Variants in GRM5 observed in about 807,000 individuals in gnomAD.
GRM5 encodes the protein glutamate metabotropic receptor 5.
In GRM5, 19 loss-of-function variants were observed where a neutral mutation model predicts 83.1. The observed-to-expected ratio is 0.23, with a 90% CI of 0.16 to 0.34. The LOEUF (loss-of-function observed/expected upper bound fraction) is 0.34. Ranked by LOEUF, GRM5 falls within the 10% of genes least tolerant of loss-of-function variation. The pLI is 1.00. For missense variants in GRM5, 1,160 were observed against 1,588.3 expected (o/e 0.73, Z 4.58); for synonymous variants, 675 against 633.6 (o/e 1.07, Z -0.98).
chr11:88,817,658 C>G (rs929602371), intron 3 of GRM5, among the ~76,000 whole-genome samples: 2 of 151,990 alleles, frequency 1.3e-5, no homozygotes, highest in African/African-American at 4.8e-5. Flanking sequence ...ACTGAATGCT[C>G]CTTGAGGGAA....
intron 3 of GRM5, among the ~76,000 whole-genome samples, chr11:88,816,495 T>C (rs1454951505): frequency 7.1e-6 from 1 of 139,936 alleles, no homozygotes; most frequent in East Asian, 2.1e-4. Context: ...GCCGAGATCA[T>C]GCCACTGCAC....
intron 2 of GRM5, among the ~76,000 whole-genome samples, chr11:88,964,938 A>C (rs1342445559): frequency 6.6e-6 from 1 of 152,200 alleles, no homozygotes; most frequent in African/African-American, 2.4e-5. Context: ...AATTGCATTA[A>C]AAAGTTGCTA....
intron 3 of GRM5, among the ~76,000 whole-genome samples, chr11:88,825,928 C>T (rs10501693): frequency 0.025 from 3,878 of 152,222 alleles, 173 homozygotes; most frequent in African/African-American, 0.089. Context: ...AACCAAACTC[C>T]ATGTTCTAAG....
In GRM5 at chr11:88,809,596, C is replaced by A. The variant is rs761487536; in HGVS notation, c.911+40310G>T. 3.3e-5 allele frequency among the ~76,000 whole-genome samples: 5 copies of A among 151,982 alleles called. No individual in the cohort carries two copies. In the East Asian group the frequency reaches 9.7e-4, roughly 29 times the overall value. On this transcript the variant is annotated intron_variant, in intron 3 of 9. Transcript: ENST00000305447. ...TGGAAACCCAGTGATATTAAACAAC[C>A]AAGTTAATGACTGGTAAAGATAATA...
intron 4 of GRM5, among the ~76,000 whole-genome samples, chr11:88,615,451 T>A (rs1938449292): frequency 6.6e-6 from 1 of 152,116 alleles, no homozygotes; most frequent in Non-Finnish European, 1.5e-5. Flanking sequence ...AAGTTTAAAT[T>A]CTGCCTGTGC....
Position 88,928,907 on chromosome 11 carries a change from T to TATATATATATATATAC in GRM5, c.662-78753_662-78752insGTATATATATATATAT, listed in dbSNP as rs369951090. Among the ~76,000 whole-genome samples the TATATATATATATATAC allele has an allele frequency of 8.6e-5, 12 of 138,758 alleles. No individual in the cohort carries two copies. In the East Asian group the frequency reaches 1.0e-3, roughly 12 times the overall value. 91.0% of individuals were successfully genotyped at this position (138,758 alleles called of 152,430 possible). On this transcript the variant is annotated intron_variant, in intron 2 of 9. Coordinates refer to ENST00000305447, the MANE Select transcript of GRM5 (RefSeq NM_001143831.3). Reference sequence around the variant, plus strand: ...GTTTGTACCTATGTGTATGTGTATATACACACACACACACACACACACACA... The same window carrying TATATATATATATATAC: ...GTTTGTACCTATGTGTATGTGTATATATATATATATATATACACACACACACACACACACACACACA...
At chr11:88,887,240 C>A (rs118099397) in intron 2 of GRM5, among the ~76,000 whole-genome samples, 2,885 of 152,262 alleles carry the variant, frequency 0.019, 46 homozygotes, top group East Asian at 0.067. Context: ...TTTAAGACAC[C>A]TATTCTGCCT....
chr11:89,022,854 T>C (rs1941022592), intron 2 of GRM5, among the ~76,000 whole-genome samples: 1 of 152,022 alleles, frequency 6.6e-6, no homozygotes, highest in Non-Finnish European at 1.5e-5. Context: ...TAGAGGAGGG[T>C]TCAAGCAGGA....
chr11:89,019,968 G>A (rs980128257), intron 2 of GRM5, among the ~76,000 whole-genome samples: 1 of 152,170 alleles, frequency 6.6e-6, no homozygotes, highest in African/African-American at 2.4e-5. Flanking sequence ...TGCAGCTGCA[G>A]CAACCATTAG....
intron 8 of GRM5, among the ~76,000 whole-genome samples, chr11:88,558,043 C>T (rs1037260029): frequency 2.0e-5 from 3 of 152,064 alleles, no homozygotes; most frequent in African/African-American, 7.2e-5. Flanking sequence ...TGATCTCCCC[C>T]ACTACTCTGT....
intron 4 of GRM5, among the ~76,000 whole-genome samples, chr11:88,613,973 G>C (rs1938398933): frequency 6.6e-6 from 1 of 152,116 alleles, no homozygotes; most frequent in Non-Finnish European, 1.5e-5. Context: ...AAGTAAAGAA[G>C]AGGTTACTCA....
chr11:88,968,517 T>C (rs1418751268), intron 2 of GRM5, among the ~76,000 whole-genome samples: 1 of 151,978 alleles, frequency 6.6e-6, no homozygotes, highest in Non-Finnish European at 1.5e-5. Flanking sequence ...ACTTCATCTC[T>C]ACCAAAAATA....
At chr11:88,859,781 T>C (rs181429903) in intron 2 of GRM5, among the ~76,000 whole-genome samples, 6 of 152,308 alleles carry the variant, frequency 3.9e-5, no homozygotes, top group East Asian at 1.9e-4. Flanking sequence ...TACTACTGAA[T>C]TGAATTTGTC....
At chr11:88,950,496 C>G (rs1426329151) in intron 2 of GRM5, among the ~76,000 whole-genome samples, 1 of 150,902 alleles carries the variant, frequency 6.6e-6, no homozygotes, top group East Asian at 1.9e-4. Flanking sequence ...AATTTTTGCA[C>G]TAAAATGTTA....
At chr11:88,875,080 C>CTG (rs1491567039) in intron 2 of GRM5, among the ~76,000 whole-genome samples, 1 of 59,214 alleles carries the variant, frequency 1.7e-5, no homozygotes, top group South Asian at 1.2e-3. Context: ...CATGAATTGA[C>CTG]TGTTTTTTTT....
chr11:88,591,446 C>T (rs1937638020), intron 6 of GRM5, among the ~76,000 whole-genome samples: 1 of 152,146 alleles, frequency 6.6e-6, no homozygotes, highest in Non-Finnish European at 1.5e-5. Flanking sequence ...TTGAAAGAGT[C>T]ACAGATGTTA....
In GRM5 at chr11:88,604,937, A is replaced by T; in HGVS notation, c.1175T>A (p.Val392Asp). The change falls in exon 5 of 10, where the codon GTT (valine) becomes GAT (aspartate). Residue 392 changes from valine (V) to aspartate (D), a missense_variant. By Grantham distance (152) the Val-to-Asp change is radical. This residue lies in a region of GRM5 where 132 missense variants were observed against 197.6 expected (regional missense o/e 0.67). Transcript: ENST00000305447. ...NSSLTLKTHH[V>D]QDSKMGFVIN... is the part of the protein sequence containing the mutation. ...CACAAATCCCATTTTGGAATCCTGA[A>T]CATGATGTGTTTTCAGAGTCAGAGA... is the stretch of plus-strand genomic sequence containing the variant. The T allele has an allele frequency of 6.2e-7, 1 of 1,612,950 alleles. No individual in the cohort carries two copies. The highest frequency in any genetic ancestry group is 2.2e-5 in the East Asian group (1 of 44,870).
At chr11:89,019,522 C>A (rs1464571520) in intron 2 of GRM5, among the ~76,000 whole-genome samples, 1 of 150,936 alleles carries the variant, frequency 6.6e-6, no homozygotes, top group African/African-American at 2.4e-5. Flanking sequence ...TGATGAAACC[C>A]CATCACTACT....
chr11:88,777,369 C>A (rs986302234), intron 3 of GRM5, among the ~76,000 whole-genome samples: 2 of 152,142 alleles, frequency 1.3e-5, no homozygotes, highest in Non-Finnish European at 2.9e-5. Flanking sequence ...AGCTTCCTTG[C>A]AGTGGGTTCA....
Sources: gnomAD v4.1 joint callset for allele counts (sites outside exome capture counted in the v4.1 genomes callset) on GRCh38, gnomAD v4.1.1 for gene constraint, gnomAD v4.1.1 regional missense constraint, MANE v1.5 for transcripts, NCBI Gene and HGNC (gene_info 2026-07-23, HGNC 2026-07-21) for gene names.